SDK1: variants seen among roughly 807,000 people sequenced by gnomAD.
The protein encoded by SDK1 is protein sidekick-1.
A neutral mutation model predicts 245.5 loss-of-function variants in SDK1; 157 were observed. The ratio of observed to expected loss-of-function variants is 0.64; its 90% CI spans 0.56 to 0.73. The LOEUF (loss-of-function observed/expected upper bound fraction) is 0.73, where lower values mean the gene tolerates loss of function less well. SDK1 is among the 30% of genes least tolerant of loss of function. The probability of loss-of-function intolerance (pLI) is 0.00; values close to 1 mark genes in which losing one functional copy is unlikely to be tolerated. For synonymous variants in SDK1, 1,647 were observed against 1,278.5 expected (o/e 1.29, Z -6.15); for missense variants, 3,583 against 3,002.3 (o/e 1.19, Z -4.52).
intron 1 of SDK1, among the ~76,000 whole-genome samples, chr7:3,519,758 G>C (rs1387122572): frequency 6.6e-6 from 1 of 152,142 alleles, no homozygotes; most frequent in African/African-American, 2.4e-5. Context: ...CATTAAATAA[G>C]AGGAGACTCA....
At chr7:3,377,493 C>G (rs1004834286) in intron 1 of SDK1, among the ~76,000 whole-genome samples, 4 of 152,090 alleles carry the variant, frequency 2.6e-5, no homozygotes, top group African/African-American at 9.7e-5. Context: ...GGGTTCCCCC[C>G]ACACTGCTAT....
intron 17 of SDK1, among the ~76,000 whole-genome samples, chr7:4,034,817 A>G (rs1205724187): frequency 6.6e-6 from 1 of 152,260 alleles, no homozygotes; most frequent in Non-Finnish European, 1.5e-5. Context: ...TGGTATATCC[A>G]CAAGATGGCA....
At chr7:3,349,574 C>G (rs563295069) in intron 1 of SDK1, among the ~76,000 whole-genome samples, 1 of 152,274 alleles carries the variant, frequency 6.6e-6, no homozygotes, top group Admixed American at 6.5e-5. Flanking sequence ...GGAAGTCATA[C>G]CTGCCTTTTT....
chr7:4,008,092 T>C (rs1358004721), intron 14 of SDK1, among the ~76,000 whole-genome samples: 1 of 152,196 alleles, frequency 6.6e-6, no homozygotes, highest in Non-Finnish European at 1.5e-5. Context: ...CCTCCTACTT[T>C]CTGTCTCTGT....
In SDK1 at chr7:3,766,091, G is replaced by A. The variant is rs139232493; in HGVS notation, c.714-55359G>A. On this transcript the variant is annotated intron_variant, in intron 4 of 44. Transcript: ENST00000404826. ...TTCCCAAGAGATGACATTTCTGGCC[G>A]GTTGACCAAAATTTTTGGTGATGAG... 3.5e-3 allele frequency among the ~76,000 whole-genome samples: 535 copies of A among 152,176 alleles called. 13 individuals are homozygous for A. Among genetic ancestry groups the A allele is most frequent in the Admixed American group, 0.032 (493 of 15,280 alleles).
At chr7:3,341,481 C>T (rs537219614) in intron 1 of SDK1, among the ~76,000 whole-genome samples, 1 of 152,122 alleles carries the variant, frequency 6.6e-6, no homozygotes. Flanking sequence ...CTGTCCAAAA[C>T]AGTAGTACTA....
At chr7:3,898,547 C>A (rs1360230958) in intron 5 of SDK1, among the ~76,000 whole-genome samples, 4 of 152,124 alleles carry the variant, frequency 2.6e-5, no homozygotes, top group Non-Finnish European at 1.5e-5. Flanking sequence ...CGGTACATTG[C>A]AAATATTTTT....
At chr7:3,751,080 G>T (rs1214578808) in intron 4 of SDK1, among the ~76,000 whole-genome samples, 1 of 152,170 alleles carries the variant, frequency 6.6e-6, no homozygotes, top group Non-Finnish European at 1.5e-5. Flanking sequence ...TGTCACAAAG[G>T]AAGGCTGGGG....
chr7:3,748,184 T>A (rs1434737210), intron 4 of SDK1, among the ~76,000 whole-genome samples: 1 of 152,138 alleles, frequency 6.6e-6, no homozygotes, highest in Non-Finnish European at 1.5e-5. Context: ...CATGTTTGGT[T>A]TAATCCTAAT....
intron 44 of SDK1, among the ~76,000 whole-genome samples, chr7:4,260,271 A>G (rs113442866): frequency 3.3e-3 from 280 of 85,784 alleles, no homozygotes; most frequent in South Asian, 3.9e-3. Flanking sequence ...TGGCTGCTCC[A>G]GGGCCTCGGT....
intron 1 of SDK1, among the ~76,000 whole-genome samples, chr7:3,597,890 C>T (rs1781118121): frequency 6.6e-6 from 1 of 152,206 alleles, no homozygotes. Flanking sequence ...AATAACAGTA[C>T]TTTGACCGTT....
intron 22 of SDK1, among the ~76,000 whole-genome samples, chr7:4,084,459 A>G (rs1227440049): frequency 6.6e-6 from 1 of 152,176 alleles, no homozygotes; most frequent in Non-Finnish European, 1.5e-5. Context: ...CCTCAAGCTG[A>G]GATGGAGCCA....
At chr7:3,912,004 A>G (rs1779184396) in intron 5 of SDK1, among the ~76,000 whole-genome samples, 1 of 152,168 alleles carries the variant, frequency 6.6e-6, no homozygotes, top group South Asian at 2.1e-4. Context: ...AACTTGAGCA[A>G]GAGCTTGTAG....
At chr7:3,707,013 C>A (rs942194294) in intron 4 of SDK1, among the ~76,000 whole-genome samples, 3 of 152,084 alleles carry the variant, frequency 2.0e-5, no homozygotes, top group Admixed American at 2.0e-4. Flanking sequence ...ATTTTTGTTT[C>A]ATTGATATTT....
intron 44 of SDK1, among the ~76,000 whole-genome samples, chr7:4,260,266 G>A (rs1787898973): frequency 6.9e-6 from 1 of 145,322 alleles, no homozygotes; most frequent in Non-Finnish European, 1.5e-5. Context: ...GAAGCTGGCT[G>A]CTCCAGGGCC....
intron 1 of SDK1, among the ~76,000 whole-genome samples, chr7:3,431,260 T>G (rs1779836859): frequency 6.6e-6 from 1 of 151,574 alleles, no homozygotes; most frequent in South Asian, 2.1e-4. Flanking sequence ...TTCCAAACTA[T>G]ACTTTCACAT....
chr7:3,460,434 T>G (rs1780798412), intron 1 of SDK1, among the ~76,000 whole-genome samples: 1 of 152,208 alleles, frequency 6.6e-6, no homozygotes, highest in African/African-American at 2.4e-5. Flanking sequence ...AGAATTGTCT[T>G]TGGTTATTTG....
chr7:3,470,131 G>A (rs1202016928), intron 1 of SDK1, among the ~76,000 whole-genome samples: 2 of 152,124 alleles, frequency 1.3e-5, no homozygotes, highest in African/African-American at 4.8e-5. Flanking sequence ...TAGCATCACA[G>A]GAAGAATTTT....
chr7:3,892,771 G>T (rs1583520333), intron 5 of SDK1, among the ~76,000 whole-genome samples: 1 of 152,210 alleles, frequency 6.6e-6, no homozygotes, highest in African/African-American at 2.4e-5. Flanking sequence ...AGCCAGCTCA[G>T]TGCAGCCGAA....
Sources: allele counts gnomAD v4.1 joint callset (sites outside exome capture counted in the v4.1 genomes callset), GRCh38; gene constraint gnomAD v4.1.1; transcripts MANE v1.5; gene names NCBI Gene and HGNC (gene_info 2026-07-23, HGNC 2026-07-21).